Variants in TRPC7 observed in about 807,000 individuals in gnomAD.
TRPC7 encodes the protein short transient receptor potential channel 7.
In TRPC7, 42 loss-of-function variants were observed where a neutral mutation model predicts 90.1. The ratio of observed to expected loss-of-function variants is 0.47; its 90% CI spans 0.36 to 0.60. TRPC7 has a LOEUF of 0.60. Ranked by LOEUF, TRPC7 falls within the 20% of genes least tolerant of loss-of-function variation. TRPC7 has a pLI of 0.00. For missense variants in TRPC7, 955 were observed against 1,112.3 expected (o/e 0.86, Z 2.01); for synonymous variants, 451 against 436.3 (o/e 1.03, Z -0.42).
Position 136,225,340 on chromosome 5 carries a change from C to G in TRPC7, c.2277G>C (p.Gln759His). ...GATTTTCAGAATTCCTCATGCCAGC[C>G]TGGTAGCGAGTCTTCTGGATAAAAC... is the stretch of plus-strand genomic sequence containing the variant. Reference protein sequence around the residue: ...LNSKFKKTRYQAGMRNSENLT... With the variant: ...LNSKFKKTRYHAGMRNSENLT... The change falls in exon 10 of 12, where the codon CAG (glutamine) becomes CAC (histidine). Residue 759 changes from glutamine to histidine, a missense_variant. By Grantham distance (24) the Gln-to-His change is conservative. This residue lies in a region of TRPC7 where 296 missense variants were observed against 422.7 expected (regional missense o/e 0.70). Coordinates refer to ENST00000513104, the MANE Select transcript of TRPC7 (RefSeq NM_020389.3). 1 of 1,612,368 alleles carries G rather than the reference C, an allele frequency of 6.2e-7. No individual in the cohort carries two copies. The highest frequency in any genetic ancestry group is 8.5e-7 in the Non-Finnish European group (1 of 1,179,462).
chr5:136,322,434 A>G (rs1759228127), intron 2 of TRPC7, among the ~76,000 whole-genome samples: 1 of 152,176 alleles, frequency 6.6e-6, no homozygotes, highest in African/African-American at 2.4e-5. Context: ...GAAGCTTCCA[A>G]TTTGTTTCTG....
intron 3 of TRPC7, among the ~76,000 whole-genome samples, chr5:136,291,519 C>A (rs1198515373): frequency 2.0e-5 from 3 of 152,078 alleles, no homozygotes; most frequent in African/African-American, 7.2e-5. Context: ...AGACTTTAAA[C>A]CAACAAAGAT....
At chr5:136,221,029 T>C (rs960697465) in intron 10 of TRPC7, among the ~76,000 whole-genome samples, 2 of 151,800 alleles carry the variant, frequency 1.3e-5, no homozygotes, top group Non-Finnish European at 2.9e-5. Flanking sequence ...GATATAGATA[T>C]AGAAAATAGA....
At chr5:136,307,281 C>T (rs1399668961) in intron 3 of TRPC7, among the ~76,000 whole-genome samples, 1 of 152,084 alleles carries the variant, frequency 6.6e-6, no homozygotes, top group Non-Finnish European at 1.5e-5. Flanking sequence ...ATTGACAACT[C>T]CCCATTCCCT....
chr5:136,320,796 T>G (rs537807181), intron 2 of TRPC7, among the ~76,000 whole-genome samples: 42 of 152,296 alleles, frequency 2.8e-4, no homozygotes, highest in African/African-American at 1.0e-3. Context: ...TCTCCAGATA[T>G]CTACATGAAC....
intron 3 of TRPC7, among the ~76,000 whole-genome samples, chr5:136,290,808 T>C (rs1244797630): frequency 6.6e-6 from 1 of 152,108 alleles, no homozygotes; most frequent in Non-Finnish European, 1.5e-5. Flanking sequence ...AAGATACTCC[T>C]TGAGAAGAGC....
At chr5:136,266,488 G>C in intron 4 of TRPC7, 52 bp from the exon 5 acceptor site, 3 of 1,501,406 alleles carry the variant, frequency 2.0e-6, no homozygotes, top group Non-Finnish European at 1.8e-6. Flanking sequence ...GGTGGATGTA[G>C]GTCTTTCTTT....
At chr5:136,319,690 AG>A (rs1312535206) in intron 2 of TRPC7, among the ~76,000 whole-genome samples, 1 of 151,214 alleles carries the variant, frequency 6.6e-6, no homozygotes, top group Non-Finnish European at 1.5e-5. Context: ...TAAATTCAAT[AG>A]TTGGTTCCCA....
intron 5 of TRPC7, among the ~76,000 whole-genome samples, chr5:136,257,588 C>T (rs1756726644): frequency 6.6e-6 from 1 of 152,008 alleles, no homozygotes; most frequent in South Asian, 2.1e-4. Flanking sequence ...GGAATCCCCA[C>T]AATAGGAAAT....
intron 8 of TRPC7, among the ~76,000 whole-genome samples, chr5:136,227,474 G>T (rs1475085185): frequency 2.0e-5 from 3 of 152,126 alleles, no homozygotes; most frequent in African/African-American, 7.2e-5. Flanking sequence ...ACCCAGCAAG[G>T]GCCCAGGAGA....
chr5:136,308,581 G>C (rs1430732851), intron 3 of TRPC7, among the ~76,000 whole-genome samples: 1 of 152,182 alleles, frequency 6.6e-6, no homozygotes, highest in Non-Finnish European at 1.5e-5. Flanking sequence ...TTGCTCACTG[G>C]CCCTGCCTGT....
chr5:136,273,495 T>A (rs74725181), intron 4 of TRPC7, among the ~76,000 whole-genome samples: 2 of 152,144 alleles, frequency 1.3e-5, no homozygotes, highest in Non-Finnish European at 2.9e-5. Flanking sequence ...GAAGAAGGAT[T>A]TGGGGACTTG....
intron 4 of TRPC7, among the ~76,000 whole-genome samples, chr5:136,273,945 C>G (rs6898313): frequency 0.023 from 3,533 of 152,268 alleles, 149 homozygotes; most frequent in African/African-American, 0.081. Flanking sequence ...GGTGGAGCCG[C>G]TAGTAGGGCA....
At chr5:136,253,242 C>T (rs1265383605) in intron 5 of TRPC7, among the ~76,000 whole-genome samples, 1 of 152,092 alleles carries the variant, frequency 6.6e-6, no homozygotes, top group Non-Finnish European at 1.5e-5. Flanking sequence ...ATGGTTGTTG[C>T]TTGCCCTGTA....
At chr5:136,276,872 G>A (rs1757381527) in intron 3 of TRPC7, among the ~76,000 whole-genome samples, 1 of 152,238 alleles carries the variant, frequency 6.6e-6, no homozygotes, top group African/African-American at 2.4e-5. Flanking sequence ...CAGAGGGAGT[G>A]GTGGGTGAGC....
At chr5:136,229,259 A>G (rs1755739923) in intron 8 of TRPC7, among the ~76,000 whole-genome samples, 1 of 152,206 alleles carries the variant, frequency 6.6e-6, no homozygotes, top group Non-Finnish European at 1.5e-5. Flanking sequence ...CTTCATGGCC[A>G]GGCTCACCTC....
At chr5:136,263,587 A>G (rs1348284860) in intron 5 of TRPC7, among the ~76,000 whole-genome samples, 2 of 152,208 alleles carry the variant, frequency 1.3e-5, no homozygotes, top group East Asian at 3.8e-4. Flanking sequence ...AAACACAAAA[A>G]TGATGAGGAA....
At chr5:136,260,359 G>A (rs2149809715) in intron 5 of TRPC7, among the ~76,000 whole-genome samples, 1 of 152,316 alleles carries the variant, frequency 6.6e-6, no homozygotes, top group East Asian at 1.9e-4. Context: ...GGACAGTAGG[G>A]GTGGGAGGAC....
At chr5:136,346,988 A>C (rs1044440417) in intron 2 of TRPC7, among the ~76,000 whole-genome samples, 1 of 152,172 alleles carries the variant, frequency 6.6e-6, no homozygotes, top group Non-Finnish European at 1.5e-5. Context: ...ATCAGAAGAG[A>C]ATTAACATAG....
Sources: allele counts gnomAD v4.1 joint callset (sites outside exome capture counted in the v4.1 genomes callset), GRCh38; gene constraint gnomAD v4.1.1; regional missense constraint gnomAD v4.1.1; transcripts MANE v1.5; gene names NCBI Gene and HGNC (gene_info 2026-07-23, HGNC 2026-07-21).